Variants in TRIM51 observed in about 807,000 individuals in gnomAD.
TRIM51 encodes tripartite motif-containing 51.
In TRIM51, 23 loss-of-function variants were observed where a neutral mutation model predicts 32.7. The ratio of observed to expected loss-of-function variants is 0.70; its 90% CI spans 0.51 to 1.00. The LOEUF (loss-of-function observed/expected upper bound fraction) is 1.00, where lower values mean the gene tolerates loss of function less well. Among genes scored for constraint, TRIM51 ranks in the 50% least tolerant of loss-of-function variants. The pLI is 0.00. For missense variants in TRIM51, 592 were observed against 539.2 expected (o/e 1.10, Z -0.97); for synonymous variants, 177 against 181.9 (o/e 0.97, Z 0.22).
intron 1 of TRIM51, among the ~76,000 whole-genome samples, chr11:55,883,607 T>C (rs367645197): frequency 1.3e-5 from 2 of 152,316 alleles, no homozygotes; most frequent in East Asian, 3.9e-4. Context: ...AGATATCTAG[T>C]GTTTGCTGCA....
At chr11:55,884,520 AG>A (rs1854550769) in intron 1 of TRIM51, among the ~76,000 whole-genome samples, 1 of 151,912 alleles carries the variant, frequency 6.6e-6, no homozygotes, top group Non-Finnish European at 1.5e-5. Context: ...GGAGAAAGAG[AG>A]GAAACTGCCT....
At position 55,886,218 on chromosome 11, in the gene TRIM51, G is replaced by T; in HGVS notation, c.507G>T (p.Lys169Asn). Residue 169 changes from lysine (K) to asparagine (N), a missense_variant and splice_region_variant, in exon 3 of 7, where the codon AAG becomes AAT. Lys to Asn is a moderately conservative substitution (Grantham distance 94). Coordinates refer to ENST00000449290, the MANE Select transcript of TRIM51 (RefSeq NM_032681.4). ...NMETTRTRCW[K>N]DYVSLRIEAI... ...AAACCACAAGAACCAGATGCTGGAA[G>T]GTTAGTACCGTATGACTCTACCTTC... 1 of 1,612,184 alleles carries T rather than the reference G, an allele frequency of 6.2e-7. No homozygotes were observed.
chr11:55,888,032 G>A lies in TRIM51; in HGVS notation c.508G>A (p.Asp170Asn), dbSNP rs767237116. 2 of 1,574,034 alleles carry A rather than the reference G, an allele frequency of 1.3e-6. No homozygotes were observed. The highest frequency in any genetic ancestry group is 1.7e-6 in the Non-Finnish European group (2 of 1,143,866). ...CTATTTTGACTAATTGTCACTGCAGGATTATGTGAGTTTAAGGATAGAAGC... is the reference window on the plus strand; with the variant it reads ...CTATTTTGACTAATTGTCACTGCAGAATTATGTGAGTTTAAGGATAGAAGC... ...METTRTRCWK[D>N]YVSLRIEAIR... is the part of the protein sequence containing the mutation. The change falls in exon 4 of 7, where the codon GAT becomes AAT. Residue 170 changes from aspartate (D) to asparagine (N), a missense_variant and splice_region_variant. Asp to Asn is a conservative substitution (Grantham distance 23). Transcript: ENST00000449290.
intron 3 of TRIM51, among the ~76,000 whole-genome samples, chr11:55,887,750 A>T (rs1247126393): frequency 6.6e-6 from 1 of 152,160 alleles, no homozygotes; most frequent in East Asian, 1.9e-4. Context: ...TTAAGCAAGA[A>T]CTGTGTTTTC....
intron 3 of TRIM51, among the ~76,000 whole-genome samples, chr11:55,886,584 T>C (rs112052698): frequency 6.6e-6 from 1 of 152,098 alleles, no homozygotes; most frequent in Non-Finnish European, 1.5e-5. Flanking sequence ...TAAGGCTGAG[T>C]CAGTATGAAT....
chr11:55,883,462 T>A (rs973450287), intron 1 of TRIM51, 78 bp downstream of exon 1: 1 of 152,200 alleles, frequency 6.6e-6, no homozygotes, highest in Non-Finnish European at 1.5e-5. Context: ...AATATCTAAC[T>A]GTCTAAACTT....
At chr11:55,887,954 T>C (rs1290416779) in intron 3 of TRIM51, 78 bp from the exon 4 acceptor site, 21 of 1,062,870 alleles carry the variant, frequency 2.0e-5, no homozygotes, top group Non-Finnish European at 3.0e-5. Context: ...TATTGGGTGT[T>C]TAGAATGCTA....
chr11:55,884,065 A>G lies in TRIM51; in HGVS notation c.-5+681A>G, dbSNP rs569367084. ...GTGTTTAGTAAAAGAGAGTAAGGTA[A>G]AGGACTTCAAACTGCCAAGGCAAAG... On this transcript the variant is annotated intron_variant, in intron 1 of 6. Transcript: ENST00000449290. 5.6e-4 allele frequency among the ~76,000 whole-genome samples: 84 copies of G among 150,532 alleles called. 1 individual carries two copies. The highest frequency in any genetic ancestry group is 1.1e-3 in the Non-Finnish European group (76 of 67,680).
At position 55,885,587 on chromosome 11, in the gene TRIM51, T is replaced by G; in HGVS notation, c.159T>G (p.Ser53=). Residue 53 remains serine (S), a synonymous_variant, in exon 2 of 7, where the codon TCT becomes TCG. Transcript: ENST00000449290. ...ACACGGCAGTTCTTGCTCAGTGCTC[T>G]GAATGCAAGAAGACAACGCGGCAGA... ...WQDTAVLAQC[S]ECKKTTRQRN... 6.2e-7 allele frequency: 1 copy of G among 1,611,778 alleles called. No individual in the cohort carries two copies. The highest frequency in any genetic ancestry group is 1.7e-5 in the Admixed American group (1 of 59,976).
chr11:55,884,163 A>C (rs1166746223), intron 1 of TRIM51, among the ~76,000 whole-genome samples: 1 of 70,104 alleles, frequency 1.4e-5, no homozygotes, highest in African/African-American at 9.3e-5. Context: ...ATAACTATAT[A>C]TATATATATA....
intron 1 of TRIM51, among the ~76,000 whole-genome samples, chr11:55,884,099 T>A (rs971529937): frequency 3.5e-5 from 5 of 143,820 alleles, no homozygotes; most frequent in African/African-American, 1.3e-4. Flanking sequence ...AGATTACAGT[T>A]TGTATTGGTC....
chr11:55,885,895 G>C, intron 2 of TRIM51, 56 bp downstream of exon 2: 1 of 1,609,980 alleles, frequency 6.2e-7, no homozygotes, highest in Non-Finnish European at 8.5e-7. Context: ...ATTCTTGTAA[G>C]TCTATTTCCT....
rs1590634219 is a variant in TRIM51, at chr11:55,888,797, A to G, written c.739-182A>G. On this transcript the variant is annotated intron_variant, in intron 4 of 6. Transcript: ENST00000449290. The stretch of plus-strand genomic sequence containing the variant: ...TTCAAGACTTAGACTTTATCAGGAC[A>G]TTAATTCATGACATATGATAGACTG... Among the ~76,000 whole-genome samples the G allele has an allele frequency of 2.6e-5, 4 of 152,284 alleles. No homozygotes were observed. The East Asian group carries it at 7.7e-4, about 29-fold the overall frequency.
Position 55,885,539 on chromosome 11 carries a change from C to G in TRIM51, c.111C>G (p.Pro37=), listed in dbSNP as rs776869115. Residue 37 remains proline, a synonymous_variant, in exon 2 of 7, where the codon CCC becomes CCG. Transcript: ENST00000449290. ...ACTGTGGGCACAGCTTTTGCCGGCC[C>G]TGTTTGTACCTCAACTGGCAAGACA... ...TIDCGHSFCR[P]CLYLNWQDTA... is the part of the protein sequence containing the mutation. 1.4e-5 allele frequency: 23 copies of G among 1,611,888 alleles called. No homozygotes were observed. Among genetic ancestry groups the G allele is most frequent in the Non-Finnish European group, 1.9e-5 (22 of 1,179,746 alleles).
chr11:55,890,606 C>T (rs1165351806), intron 6 of TRIM51, among the ~76,000 whole-genome samples: 1 of 152,112 alleles, frequency 6.6e-6, no homozygotes, highest in East Asian at 1.9e-4. Context: ...ATCCAAAATT[C>T]GGTTTCAGTC....
rs1042948074 is a variant in TRIM51, at chr11:55,886,077, T to C, written c.412-46T>C. 5.7e-6 allele frequency: 9 copies of C among 1,568,202 alleles called. No individual in the cohort carries two copies. In the African/African-American group the frequency reaches 1.1e-4, roughly 19 times the overall value. On this transcript the variant is annotated intron_variant, in intron 2 of 6. Coordinates refer to ENST00000449290, the MANE Select transcript of TRIM51 (RefSeq NM_032681.4). ...CCTTCGTATATCAGAGTGTGAATGA[T>C]ACTTTATTGTCCTCACTTGTGCTTC... is the stretch of plus-strand genomic sequence containing the variant.
At chr11:55,889,512 A>T (rs1242230887) in intron 5 of TRIM51, among the ~76,000 whole-genome samples, 2 of 152,164 alleles carry the variant, frequency 1.3e-5, no homozygotes, top group African/African-American at 4.8e-5. Flanking sequence ...AGAGAACCTC[A>T]ACTACAAAAG....
chr11:55,889,798 G>T (rs1205203806), intron 5 of TRIM51, 144 bp from the exon 6 acceptor site: 3 of 642,124 alleles, frequency 4.7e-6, no homozygotes, highest in South Asian at 1.9e-5. Flanking sequence ...AATAAGAATG[G>T]ATTTGAAAAA....
chr11:55,890,083 C>A (rs558006184), intron 6 of TRIM51, 44 bp downstream of exon 6: 2 of 1,376,916 alleles, frequency 1.5e-6, no homozygotes, highest in Non-Finnish European at 2.1e-6. Context: ...TCTATTACTT[C>A]TTGTTAGAAT....
Sources: gnomAD v4.1 joint callset for allele counts (sites outside exome capture counted in the v4.1 genomes callset) on GRCh38, gnomAD v4.1.1 for gene constraint, MANE v1.5 for transcripts, NCBI Gene and HGNC (gene_info 2026-07-23, HGNC 2026-07-21) for gene names.